TRAPPC9: variants seen among roughly 807,000 people sequenced by gnomAD.
TRAPPC9 encodes the protein trafficking protein particle complex subunit 9, also known as IKK2 binding protein.
A neutral mutation model predicts 124.0 loss-of-function variants in TRAPPC9; 83 were observed. The observed-to-expected ratio is 0.67, with a 90% CI of 0.56 to 0.80. The LOEUF (loss-of-function observed/expected upper bound fraction) is 0.80, where lower values mean the gene tolerates loss of function less well. TRAPPC9 is among the 30% of genes least tolerant of loss of function. The pLI is 0.00. For synonymous variants in TRAPPC9, 638 were observed against 617.5 expected (o/e 1.03, Z -0.49); for missense variants, 1,302 against 1,508.3 (o/e 0.86, Z 2.27).
upstream of TRAPPC9, among the ~76,000 whole-genome samples, chr8:140,457,991 C>A (rs112422890): frequency 9.2e-3 from 485 of 52,736 alleles, 23 homozygotes; most frequent in African/African-American, 0.035. Flanking sequence ...GGGAGAGAAG[C>A]GGGGACGGGG....
At position 140,311,165 on chromosome 8, in the gene TRAPPC9, C is replaced by A. The variant is rs551983454; in HGVS notation, c.1622+83G>T. Reference sequence around the variant, plus strand: ...ACAGCCAACAAAAATGGGAACTCTTCTAAAGATCTCTATTCACAATCAGAC... The same window carrying A: ...ACAGCCAACAAAAATGGGAACTCTTATAAAGATCTCTATTCACAATCAGAC... On this transcript the variant is annotated intron_variant, in intron 10 of 22. Coordinates refer to ENST00000438773, the MANE Select transcript of TRAPPC9 (RefSeq NM_001160372.4). The A allele has an allele frequency of 2.9e-4, 444 of 1,557,548 alleles. 1 individual carries two copies. In the East Asian group the frequency reaches 9.8e-3, roughly 34 times the overall value.
chr8:139,751,341 C>T (rs2130204656), intron 21 of TRAPPC9, among the ~76,000 whole-genome samples: 1 of 152,282 alleles, frequency 6.6e-6, no homozygotes, highest in South Asian at 2.1e-4. Context: ...TGGGATTGAC[C>T]CCCGCCATGG....
intron 20 of TRAPPC9, among the ~76,000 whole-genome samples, chr8:139,894,216 C>T (rs558164649): frequency 6.6e-6 from 1 of 152,344 alleles, no homozygotes; most frequent in African/African-American, 2.4e-5. Context: ...CAGGGCAGCC[C>T]CCTGCACTTT....
intron 21 of TRAPPC9, among the ~76,000 whole-genome samples, chr8:139,793,177 G>A (rs1042481550): frequency 2.0e-5 from 3 of 152,148 alleles, no homozygotes; most frequent in Non-Finnish European, 4.4e-5. Flanking sequence ...TTTCTTCTTG[G>A]AGTCGCTGTC....
intron 21 of TRAPPC9, among the ~76,000 whole-genome samples, chr8:139,865,793 A>G (rs1489953984): frequency 1.3e-5 from 2 of 152,190 alleles, no homozygotes; most frequent in Admixed American, 6.5e-5. Context: ...TGACCCAAAG[A>G]GTCAAACTCT....
At chr8:140,071,894 C>T (rs114750951) in intron 17 of TRAPPC9, among the ~76,000 whole-genome samples, 32 of 152,292 alleles carry the variant, frequency 2.1e-4, no homozygotes, top group African/African-American at 7.7e-4. Context: ...GGGTTGATCC[C>T]GGGAAAACAA....
intron 18 of TRAPPC9, among the ~76,000 whole-genome samples, chr8:140,000,892 AAAAGATTAT>A (rs1475358086): frequency 6.6e-6 from 1 of 152,226 alleles, no homozygotes; most frequent in Non-Finnish European, 1.5e-5. Context: ...GTATATACCC[AAAAGATTAT>A]AAATCATGCT....
intron 17 of TRAPPC9, among the ~76,000 whole-genome samples, chr8:140,060,131 C>G (rs886404481): frequency 8.5e-5 from 13 of 152,182 alleles, no homozygotes; most frequent in African/African-American, 2.9e-4. Flanking sequence ...ACCTGTGGAG[C>G]AGCTCGTTCT....
intron 10 of TRAPPC9, among the ~76,000 whole-genome samples, chr8:140,306,056 C>T (rs756979761): frequency 6.6e-6 from 1 of 152,142 alleles, no homozygotes; most frequent in African/African-American, 2.4e-5. Context: ...TACAGAGATG[C>T]GTACACATCA....
At chr8:140,048,400 C>T (rs541182741) in intron 17 of TRAPPC9, among the ~76,000 whole-genome samples, 1 of 152,246 alleles carries the variant, frequency 6.6e-6, no homozygotes, top group African/African-American at 2.4e-5. Context: ...AAGGGCCCAC[C>T]TCTTGGGAGG....
At chr8:139,755,966 G>A (rs1586773639) in intron 21 of TRAPPC9, among the ~76,000 whole-genome samples, 12 of 132,664 alleles carry the variant, frequency 9.0e-5, no homozygotes, top group South Asian at 2.5e-4. Flanking sequence ...GCCAGGGTTT[G>A]GGGATGAGGA....
At chr8:140,458,146 G>C (rs1052869322), upstream of TRAPPC9, 1 of 1,485,550 alleles carries the variant, frequency 6.7e-7, no homozygotes, top group Non-Finnish European at 9.1e-7. Context: ...GAGGAGGAGG[G>C]AAGGAGGGAG....
chr8:139,827,585 C>T (rs1376670124), intron 21 of TRAPPC9, among the ~76,000 whole-genome samples: 1 of 152,192 alleles, frequency 6.6e-6, no homozygotes, highest in Non-Finnish European at 1.5e-5. Flanking sequence ...TCAACCCAGG[C>T]CTGCCATGTG....
chr8:140,131,385 G>A (rs1046885556), intron 17 of TRAPPC9, among the ~76,000 whole-genome samples: 1 of 152,110 alleles, frequency 6.6e-6, no homozygotes, highest in Non-Finnish European at 1.5e-5. Flanking sequence ...ATTTTAACAC[G>A]ATCACCATCT....
chr8:139,902,126 T>A (rs902857012), intron 20 of TRAPPC9, among the ~76,000 whole-genome samples: 2 of 152,202 alleles, frequency 1.3e-5, no homozygotes, highest in African/African-American at 4.8e-5. Flanking sequence ...GTGTGCACGT[T>A]CACACACACA....
At chr8:139,918,697 G>A (rs1019595619) in intron 19 of TRAPPC9, among the ~76,000 whole-genome samples, 3 of 152,246 alleles carry the variant, frequency 2.0e-5, no homozygotes, top group Admixed American at 6.5e-5. Context: ...CAGCCCCTTC[G>A]CTTGCACTTC....
At chr8:139,864,101 G>A (rs527336178) in intron 21 of TRAPPC9, among the ~76,000 whole-genome samples, 10 of 152,242 alleles carry the variant, frequency 6.6e-5, no homozygotes, top group African/African-American at 1.7e-4. Context: ...CCTGCAGCCC[G>A]AGGCTAGTTC....
chr8:139,753,258 C>T (rs142823535), intron 21 of TRAPPC9, among the ~76,000 whole-genome samples: 1 of 151,426 alleles, frequency 6.6e-6, no homozygotes, highest in Non-Finnish European at 1.5e-5. Flanking sequence ...CACCCATCTA[C>T]CATCCATCCA....
chr8:140,049,547 C>CA (rs1841844072), intron 17 of TRAPPC9, among the ~76,000 whole-genome samples: 1 of 149,318 alleles, frequency 6.7e-6, no homozygotes, highest in African/African-American at 2.6e-5. Context: ...TACAGGGCTC[C>CA]CCCCCCCGAG....
Sources: gnomAD v4.1 joint callset for allele counts (sites outside exome capture counted in the v4.1 genomes callset) on GRCh38, gnomAD v4.1.1 for gene constraint, MANE v1.5 for transcripts, NCBI Gene and HGNC (gene_info 2026-07-23, HGNC 2026-07-21) for gene names.